Variants in ANKRD62 observed in about 807,000 individuals in gnomAD.
The protein encoded by ANKRD62 is ankyrin repeat domain-containing protein 62.
A neutral mutation model predicts 98.8 loss-of-function variants in ANKRD62; 61 were observed. The observed-to-expected ratio is 0.62, with a 90% CI of 0.50 to 0.76. The LOEUF is 0.76. Ranked by LOEUF, ANKRD62 falls within the 30% of genes least tolerant of loss-of-function variation. The pLI is 0.00. For missense variants in ANKRD62, 933 were observed against 1,082.9 expected, an observed-to-expected ratio of 0.86 and a Z score of 1.94; for synonymous variants, 341 against 367.9, an observed-to-expected ratio of 0.93 and a Z score of 0.84.
In ANKRD62 at chr18:12,107,443, G is replaced by A; in HGVS notation, c.1040G>A (p.Gly347Glu). Residue 347 changes from glycine (G) to glutamate (E), a missense_variant, in exon 8 of 14, where the codon GGG (glycine) becomes GAG (glutamate). Gly to Glu is a moderately conservative substitution (Grantham distance 98, BLOSUM62 -2). Around this residue, in one of 3 missense-constraint regions of ANKRD62, gnomAD observed 549 missense variants for 587.9 expected, o/e 0.93. Coordinates refer to ENST00000587848, the MANE Select transcript of ANKRD62 (RefSeq NM_001277333.2). Reference sequence around the variant, plus strand: ...AAACCTGATAATCATCAATCTCCTGGGAAGGAGAATGGCGAGTTTGATAGG... The same window carrying A: ...AAACCTGATAATCATCAATCTCCTGAGAAGGAGAATGGCGAGTTTGATAGG... ...NRKPDNHQSP[G>E]KENGEFDRLA... 6.6e-7 allele frequency: 1 copy of A among 1,506,572 alleles called. No homozygotes were observed. The highest frequency in any genetic ancestry group is 2.5e-5 in the East Asian group (1 of 39,398). 93.3% of individuals were successfully genotyped at this position (1,506,572 alleles called of 1,614,324 possible).
chr18:12,110,767 A>G (rs1330743873), intron 8 of ANKRD62, among the ~76,000 whole-genome samples: 1 of 152,160 alleles, frequency 6.6e-6, no homozygotes, highest in Admixed American at 6.5e-5. Context: ...TACCAGCAAT[A>G]TTTGACCCCA....
At chr18:12,111,064 A>G (rs528916985) in intron 8 of ANKRD62, among the ~76,000 whole-genome samples, 1 of 133,880 alleles carries the variant, frequency 7.5e-6, no homozygotes, top group East Asian at 2.0e-4. Context: ...CCATCCTAAC[A>G]TGATGAAACC....
At position 12,103,302 on chromosome 18, in the gene ANKRD62, G is replaced by C. The variant is rs73947274; in HGVS notation, c.891+74G>C. ...CATAATCCAAATGAAATTACTTTTG[G>C]ACTAGCCTTTTAGAATCAATTGAAT... On this transcript the variant is annotated intron_variant, in intron 7 of 13. Transcript: ENST00000587848. The C allele has an allele frequency of 1.7e-3, 1,520 of 877,836 alleles. 14 individuals carry two copies. The African/African-American group carries it at 0.024, about 14-fold the overall frequency. The allele number at this position is 877,836 out of a possible 1,614,324, so 54.4% of individuals were successfully genotyped here.
At chr18:12,178,064 AAGCATAAGAAG>A in the ANKRD62 span, among the ~76,000 whole-genome samples, 36,146 of 146,440 alleles carry the variant, frequency 0.25, 4,789 homozygotes, top group Middle Eastern at 0.34. Flanking sequence ...GCATAAGAAG[AAGCATAAGAAG>A]AGCATAAGAA....
At chr18:12,105,702 C>A (rs1304759615) in intron 7 of ANKRD62, among the ~76,000 whole-genome samples, 2 of 106,342 alleles carry the variant, frequency 1.9e-5, no homozygotes, top group East Asian at 4.0e-4. Context: ...CATAATTGTG[C>A]ATAGAAATAG....
the ANKRD62 span, among the ~76,000 whole-genome samples, chr18:12,166,633 C>T: frequency 1.3e-5 from 2 of 151,898 alleles, no homozygotes; most frequent in African/African-American, 2.4e-5. Flanking sequence ...GTCCTTGGTG[C>T]CTTATTTAGT....
In ANKRD62 at chr18:12,122,443, T is replaced by C. The variant is rs1909801251; in HGVS notation, c.1381T>C (p.Ser461Pro). Residue 461 changes from serine (S) to proline (P), a missense_variant, in exon 11 of 14, where the codon TCT becomes CCT. Around this residue, in one of 3 missense-constraint regions of ANKRD62, gnomAD observed 549 missense variants for 587.9 expected, o/e 0.93. Transcript: ENST00000587848. ...TATTAGCGTACTACAAAAGGTACTATCTGAAACAGACAAAACCAAATCACA... is the reference window on the plus strand; with the variant it reads ...TATTAGCGTACTACAAAAGGTACTACCTGAAACAGACAAAACCAAATCACA... ...NNISVLQKVL[S>P]ETDKTKSQSE... 1 of 1,535,414 alleles carries C rather than the reference T, an allele frequency of 6.5e-7. No homozygotes were observed. The highest frequency in any genetic ancestry group is 1.4e-5 in the African/African-American group (1 of 72,998).
the ANKRD62 span, among the ~76,000 whole-genome samples, chr18:12,164,741 C>A: frequency 6.6e-6 from 1 of 151,822 alleles, no homozygotes; most frequent in Non-Finnish European, 1.5e-5. Flanking sequence ...TTCATTGACC[C>A]ACTGGTTCTT....
intron 4 of ANKRD62, 40 bp from the exon 5 acceptor site, chr18:12,097,600 G>T (rs1909208689): frequency 2.0e-6 from 3 of 1,503,798 alleles, no homozygotes; most frequent in African/African-American, 2.8e-5. Context: ...ACATAGCTTT[G>T]CTAAAGTTCC....
chr18:12,175,368 G>A, the ANKRD62 span, among the ~76,000 whole-genome samples: 1 of 152,124 alleles, frequency 6.6e-6, no homozygotes, highest in Non-Finnish European at 1.5e-5. Context: ...ATGGTGGTCA[G>A]CAGCGGGAGG....
At chr18:12,110,633 A>G (rs1909518446) in intron 8 of ANKRD62, among the ~76,000 whole-genome samples, 1 of 151,774 alleles carries the variant, frequency 6.6e-6, no homozygotes, top group Admixed American at 6.6e-5. Flanking sequence ...CCTTCCATTC[A>G]CTCTTGAACT....
intron 4 of ANKRD62, among the ~76,000 whole-genome samples, 178 bp downstream of exon 4, chr18:12,096,480 T>C (rs1221855658): frequency 6.6e-6 from 1 of 152,176 alleles, no homozygotes; most frequent in Admixed American, 6.5e-5. Context: ...ACATAAAAAA[T>C]AGTGTATTGC....
chr18:12,105,442 T>C (rs1384567443), intron 7 of ANKRD62, among the ~76,000 whole-genome samples: 2 of 152,218 alleles, frequency 1.3e-5, no homozygotes, highest in Middle Eastern at 3.2e-3. Context: ...GCTGCTTTCA[T>C]GGTCTGATGT....
At chr18:12,103,534 A>T (rs1449521984) in intron 7 of ANKRD62, among the ~76,000 whole-genome samples, 1 of 152,152 alleles carries the variant, frequency 6.6e-6, no homozygotes, top group African/African-American at 2.4e-5. Flanking sequence ...AATAAAAATT[A>T]TGAATAATTT....
the ANKRD62 span, among the ~76,000 whole-genome samples, chr18:12,154,972 G>A: frequency 2.0e-5 from 3 of 152,194 alleles, no homozygotes; most frequent in Non-Finnish European, 4.4e-5. Flanking sequence ...CTGCTTGAGA[G>A]TGGAAGGTGG....
chr18:12,181,668 C>G, the ANKRD62 span, among the ~76,000 whole-genome samples: 3 of 152,146 alleles, frequency 2.0e-5, no homozygotes, highest in African/African-American at 7.2e-5. Context: ...CGAATAGGAA[C>G]AGCTCTGGTC....
At chr18:12,168,290 C>T in the ANKRD62 span, among the ~76,000 whole-genome samples, 1 of 151,996 alleles carries the variant, frequency 6.6e-6, no homozygotes, top group Non-Finnish European at 1.5e-5. Flanking sequence ...AGTCTTTAAT[C>T]CATCTTGAAT....
At chr18:12,095,047 A>G (rs1909151129) in intron 1 of ANKRD62, 124 bp from the exon 2 acceptor site, 2 of 772,650 alleles carry the variant, frequency 2.6e-6, no homozygotes, top group Non-Finnish European at 2.1e-6. Flanking sequence ...CTTCACAAGA[A>G]AAGTAACTAT....
At chr18:12,177,693 A>G in the ANKRD62 span, among the ~76,000 whole-genome samples, 1 of 151,660 alleles carries the variant, frequency 6.6e-6, no homozygotes, top group East Asian at 1.9e-4. Context: ...CTGTCCACCA[A>G]AATGTATTGA....
Sources: allele counts gnomAD v4.1 joint callset (sites outside exome capture counted in the v4.1 genomes callset), GRCh38; gene constraint gnomAD v4.1.1; regional missense constraint gnomAD v4.1.1; transcripts MANE v1.5; gene names NCBI Gene and HGNC (gene_info 2026-07-23, HGNC 2026-07-21).